ATP5PO: variants seen among roughly 807,000 people sequenced by gnomAD.
The protein encoded by ATP5PO is ATP synthase peripheral stalk subunit OSCP.
In ATP5PO, 14 loss-of-function variants were observed where a neutral mutation model predicts 26.2. The ratio of observed to expected loss-of-function variants is 0.53; its 90% confidence interval spans 0.35 to 0.83. ATP5PO has a LOEUF of 0.83. ATP5PO is among the 40% of genes least tolerant of loss of function. ATP5PO has a pLI of 0.01. For synonymous variants in ATP5PO, 106 were observed against 95.1 expected (o/e 1.12, Z -0.67); for missense variants, 241 against 258.5 (o/e 0.93, Z 0.46).
At position 33,915,769 on chromosome 21, in the gene ATP5PO, C is replaced by A; in HGVS notation, c.-6G>T. 1 of 1,570,258 alleles carries A rather than the reference C, an allele frequency of 6.4e-7. No individual in the cohort carries two copies. The highest frequency in any genetic ancestry group is 1.3e-5 in the African/African-American group (1 of 74,088). ...GACACTGCTGGGGCAGCCATCTTCTCCCGGGCGGCTGTAGGTCAAACCCGA... is the reference window on the plus strand; with the variant it reads ...GACACTGCTGGGGCAGCCATCTTCTACCGGGCGGCTGTAGGTCAAACCCGA... On this transcript the variant is annotated 5_prime_UTR_variant, in exon 1 of 7. Coordinates refer to ENST00000290299, the MANE Select transcript of ATP5PO (RefSeq NM_001697.3).
In ATP5PO at chr21:33,903,550, G is replaced by A. The variant is rs969413625; in HGVS notation, c.618C>T (p.Gly206=). The change falls in exon 7 of 7, where the codon GGC becomes GGT. Residue 206 remains glycine, a synonymous_variant. Coordinates refer to ENST00000290299, the MANE Select transcript of ATP5PO (RefSeq NM_001697.3). Reference sequence around the variant, plus strand: ...TTTAGACAATCTCCCGCATAGCCCTGCCCAGCTTCTGAATCTTGGTCTTGA... The same window carrying A: ...TTTAGACAATCTCCCGCATAGCCCTACCCAGCTTCTGAATCTTGGTCTTGA... ...MSVKTKIQKL[G]RAMREIV The A allele has an allele frequency of 4.3e-6, 7 of 1,613,884 alleles. No homozygotes were observed. The African/African-American group carries it at 6.7e-5, about 15-fold the overall frequency.
chr21:33,911,534 T>C (rs1204907866), intron 3 of ATP5PO, among the ~76,000 whole-genome samples: 1 of 152,180 alleles, frequency 6.6e-6, no homozygotes, highest in Non-Finnish European at 1.5e-5. Context: ...GTAAGACATA[T>C]CTGAGCCTCC....
At chr21:33,914,006 C>CT (rs1987281726) in intron 2 of ATP5PO, among the ~76,000 whole-genome samples, 1 of 152,140 alleles carries the variant, frequency 6.6e-6, no homozygotes, top group Non-Finnish European at 1.5e-5. Context: ...TCTCAAACTC[C>CT]TGACCTCGTG....
chr21:33,911,592 G>T (rs1201475287), intron 3 of ATP5PO, among the ~76,000 whole-genome samples: 3 of 149,310 alleles, frequency 2.0e-5, no homozygotes, highest in Non-Finnish European at 4.4e-5. Flanking sequence ...TGAGGAAAAG[G>T]TTTCATGAAA....
At chr21:33,912,714 C>T (rs1366528466) in intron 2 of ATP5PO, among the ~76,000 whole-genome samples, 13 of 152,134 alleles carry the variant, frequency 8.5e-5, no homozygotes, top group Admixed American at 8.5e-4. Flanking sequence ...TTGAGATAAG[C>T]TTATGTTTCC....
intron 3 of ATP5PO, 81 bp from the exon 4 acceptor site, chr21:33,909,292 T>G (rs866390147): frequency 9.5e-6 from 14 of 1,473,182 alleles, no homozygotes; most frequent in Middle Eastern, 2.4e-4. Context: ...TCTTTCTTTC[T>G]TTTTTGGAGA....
chr21:33,908,154 A>G lies in ATP5PO; in HGVS notation c.329-701T>C, dbSNP rs1247672556. ...CTGCACTCCAGCTTGGGTGACAGAA[A>G]GGGACACCCAGGCTCAAAAAAAAAA... On this transcript the variant is annotated intron_variant, in intron 4 of 6. Coordinates refer to ENST00000290299, the MANE Select transcript of ATP5PO (RefSeq NM_001697.3). Among the ~76,000 whole-genome samples the G allele has an allele frequency of 2.8e-5, 4 of 141,274 alleles. No individual in the cohort carries two copies. The East Asian group carries it at 8.5e-4, about 30-fold the overall frequency. The allele number at this position is 141,274 out of a possible 152,430, so 92.7% of individuals were successfully genotyped here.
chr21:33,903,691 A>G, intron 6 of ATP5PO, 52 bp from the exon 7 acceptor site: 1 of 1,582,092 alleles, frequency 6.3e-7, no homozygotes, highest in Non-Finnish European at 8.7e-7. Context: ...CAAATGGGAC[A>G]CACAAAAAAG....
chr21:33,909,679 CTG>C (rs35410950), intron 3 of ATP5PO, among the ~76,000 whole-genome samples: 12,417 of 152,292 alleles, frequency 0.082, 733 homozygotes, highest in East Asian at 0.23. Context: ...TCAGAATACA[CTG>C]TGCACTGCAC....
Position 33,907,109 on chromosome 21 carries a change from A to T in ATP5PO, c.441+232T>A, listed in dbSNP as rs1987183342. On this transcript the variant is annotated intron_variant, in intron 5 of 6. Coordinates refer to ENST00000290299, the MANE Select transcript of ATP5PO (RefSeq NM_001697.3). ...TCCAACACATTTTGATGTACTTTAC[A>T]TTTAACCCAGGCCTTATGAATAATC... is the stretch of plus-strand genomic sequence containing the variant. The T allele has an allele frequency of 4.0e-5, 21 of 519,934 alleles. No homozygotes were observed. In the South Asian group the frequency reaches 5.0e-4, roughly 12 times the overall value. The allele number at this position is 519,934 out of a possible 1,614,324, so 32.2% of individuals were successfully genotyped here.
chr21:33,915,355 A>C, intron 1 of ATP5PO: 1 of 284,502 alleles, frequency 3.5e-6, no homozygotes, highest in Non-Finnish European at 6.6e-6. Context: ...CCTTAGCATT[A>C]CTAGTAAGTG....
intron 5 of ATP5PO, among the ~76,000 whole-genome samples, chr21:33,904,707 G>C (rs980893502): frequency 5.3e-5 from 8 of 152,316 alleles, no homozygotes; most frequent in African/African-American, 1.4e-4. Flanking sequence ...ATAGTGTTAA[G>C]TGTTCTAATG....
At chr21:33,908,724 G>T in intron 4 of ATP5PO, 1 of 168,654 alleles carries the variant, frequency 5.9e-6, no homozygotes. Flanking sequence ...GAGAAAAGCA[G>T]TCCAAATGTA....
intron 5 of ATP5PO, among the ~76,000 whole-genome samples, chr21:33,904,798 T>C (rs563977401): frequency 5.5e-4 from 84 of 152,258 alleles, no homozygotes; most frequent in African/African-American, 2.0e-3. Context: ...TGGAGTAGAG[T>C]GGCGAGATCT....
At chr21:33,906,846 C>T (rs942381265) in intron 5 of ATP5PO, 11 of 447,004 alleles carry the variant, frequency 2.5e-5, no homozygotes, top group South Asian at 1.4e-4. Flanking sequence ...CAAAAATTAG[C>T]CGGGTGTGGT....
At chr21:33,904,093 C>A (rs1987138210) in intron 5 of ATP5PO, 72 bp from the exon 6 acceptor site, 1 of 1,341,242 alleles carries the variant, frequency 7.5e-7, no homozygotes, top group Non-Finnish European at 1.0e-6. Context: ...ATACCCCAGG[C>A]CCACATCACC....
At chr21:33,906,794 C>A (rs1987178799) in intron 5 of ATP5PO, 1 of 456,134 alleles carries the variant, frequency 2.2e-6, no homozygotes, top group South Asian at 1.5e-5. Flanking sequence ...TCGAGACAAG[C>A]CTGGAGAACA....
chr21:33,910,945 G>A (rs1987239211), intron 3 of ATP5PO, among the ~76,000 whole-genome samples: 1 of 152,322 alleles, frequency 6.6e-6, no homozygotes. Flanking sequence ...GATTAATATA[G>A]AACGTAAGTA....
At chr21:33,909,845 C>T (rs1314059718) in intron 3 of ATP5PO, among the ~76,000 whole-genome samples, 1 of 152,172 alleles carries the variant, frequency 6.6e-6, no homozygotes, top group Non-Finnish European at 1.5e-5. Context: ...AGAGAGGAGT[C>T]GTCTGGTTTT....
Sources: allele counts gnomAD v4.1 joint callset (sites outside exome capture counted in the v4.1 genomes callset), GRCh38; gene constraint gnomAD v4.1.1; transcripts MANE v1.5; gene names NCBI Gene and HGNC (gene_info 2026-07-23, HGNC 2026-07-21).